The following PUS1 variants were observed in gnomAD, a reference collection of about 807,000 sequenced individuals.
PUS1 encodes the protein pseudouridine synthase 1, also known as pseudouridylate synthase 1 homolog.
In PUS1, 25 loss-of-function variants were observed where a neutral mutation model predicts 38.5. The observed-to-expected ratio is 0.65, with a 90% confidence interval of 0.47 to 0.91. PUS1 has a LOEUF of 0.91. Ranked by LOEUF, PUS1 falls within the 40% of genes least tolerant of loss-of-function variation. The probability of loss-of-function intolerance (pLI) is 0.00; values close to 1 mark genes in which losing one functional copy is unlikely to be tolerated. For synonymous variants in PUS1, 282 were observed against 260.4 expected (o/e 1.08, Z -0.80); for missense variants, 597 against 612.3 (o/e 0.97, Z 0.26).
chr12:131,944,059 TAAAATGG>T lies in PUS1; in HGVS notation c.*474_*480del. On this transcript the variant is annotated 3_prime_UTR_variant, in exon 6 of 6. Transcript: ENST00000376649. ...TACAGGAGTTCCAGACCAGCCTGGG[TAAAATGG>T]TGAAACCGCGTCTCTGCAAAAGATT... 5.0e-6 allele frequency: 1 copy of T among 198,450 alleles called. No homozygotes were observed. Among genetic ancestry groups the T allele is most frequent in the South Asian group, 8.8e-5 (1 of 11,382 alleles). 12.3% of individuals were successfully genotyped at this position (198,450 alleles called of 1,614,324 possible). A position where few individuals can be genotyped will look rare whatever the true frequency, so the allele number is the denominator to read the frequency against.
At chr12:131,934,978 C>T (rs1344045459) in intron 3 of PUS1, 2 of 152,278 alleles carry the variant, frequency 1.3e-5, no homozygotes, top group Admixed American at 1.3e-4. Flanking sequence ...TGGATGCATT[C>T]TGGAGCCGTC....
chr12:131,931,863 A>T (rs1165329113), intron 2 of PUS1: 55 of 501,708 alleles, frequency 1.1e-4, no homozygotes, highest in Middle Eastern at 5.6e-4. Flanking sequence ...TTTTTTTTTT[A>T]AAGTATAGGT....
intron 3 of PUS1, among the ~76,000 whole-genome samples, chr12:131,935,837 G>T (rs573742110): frequency 2.0e-5 from 3 of 152,016 alleles, no homozygotes; most frequent in African/African-American, 7.2e-5. Flanking sequence ...CCGGCCTATT[G>T]TTTATTTTTG....
chr12:131,934,309 G>A (rs1451248957), intron 3 of PUS1, among the ~76,000 whole-genome samples: 2 of 152,164 alleles, frequency 1.3e-5, no homozygotes, highest in African/African-American at 2.4e-5. Context: ...ACTACCCTGG[G>A]GAGAGGGAGA....
At chr12:131,931,285 A>G (rs1225998336) in intron 2 of PUS1, among the ~76,000 whole-genome samples, 1 of 151,824 alleles carries the variant, frequency 6.6e-6, no homozygotes, top group Non-Finnish European at 1.5e-5. Flanking sequence ...CAGCCTCCCG[A>G]GTAGCTGGGA....
intron 2 of PUS1, among the ~76,000 whole-genome samples, chr12:131,931,262 G>T (rs1183934920): frequency 1.3e-5 from 2 of 152,054 alleles, no homozygotes; most frequent in Non-Finnish European, 2.9e-5. Flanking sequence ...GGGTTCCACC[G>T]ATTCTTGTGC....
At chr12:131,939,686 G>A (rs1257092465) in intron 4 of PUS1, among the ~76,000 whole-genome samples, 3 of 152,030 alleles carry the variant, frequency 2.0e-5, no homozygotes, top group Non-Finnish European at 4.4e-5. Flanking sequence ...AGAGAGTCTC[G>A]CTCTGTCACC....
chr12:131,939,035 C>T, intron 3 of PUS1, 138 bp from the exon 4 acceptor site: 1 of 708,652 alleles, frequency 1.4e-6, no homozygotes, highest in Admixed American at 2.0e-5. Context: ...GCCACTATGC[C>T]CGGCCCTCCA....
intron 1 of PUS1, 33 bp from the exon 2 acceptor site, chr12:131,929,874 G>C: frequency 7.2e-7 from 1 of 1,397,516 alleles, no homozygotes; most frequent in Non-Finnish European, 9.4e-7. Context: ...GCGGTGCCGA[G>C]CGGGCCCCCG....
chr12:131,944,345 C>G lies in PUS1; in HGVS notation c.*759C>G, dbSNP rs1296997394. The G allele has an allele frequency of 3.3e-5, 5 of 152,188 alleles. No homozygotes were observed. The highest frequency in any genetic ancestry group is 1.2e-4 in the African/African-American group (5 of 41,512). 9.4% of individuals were successfully genotyped at this position (152,188 alleles called of 1,614,324 possible). A position where few individuals can be genotyped will look rare whatever the true frequency, so the allele number is the denominator to read the frequency against. ...CCTGACCAGCATGGAGAAACCCCGT[C>G]TCTACTAAAAATACAAAAATTAGCT... is the stretch of plus-strand genomic sequence containing the variant. On this transcript the variant is annotated 3_prime_UTR_variant, in exon 6 of 6. Coordinates refer to ENST00000376649, the MANE Select transcript of PUS1 (RefSeq NM_025215.6).
At position 131,944,073 on chromosome 12, in the gene PUS1, C is replaced by CG. The variant is rs1400270046; in HGVS notation, c.*488dup. 5.3e-6 allele frequency: 1 copy of CG among 189,674 alleles called. No individual in the cohort carries two copies. Among genetic ancestry groups the CG allele is most frequent in the African/African-American group, 2.3e-5 (1 of 42,562 alleles). The allele number at this position is 189,674 out of a possible 1,614,324, so 11.7% of individuals were successfully genotyped here. A position where few individuals can be genotyped will look rare whatever the true frequency, so the allele number is the denominator to read the frequency against. ...ACCAGCCTGGGTAAAATGGTGAAAC[C>CG]GCGTCTCTGCAAAAGATTAGCTGGG... is the stretch of plus-strand genomic sequence containing the variant. On this transcript the variant is annotated 3_prime_UTR_variant, in exon 6 of 6. Transcript: ENST00000376649.
At chr12:131,931,969 C>T in intron 2 of PUS1, 1 of 664,184 alleles carries the variant, frequency 1.5e-6, no homozygotes, top group Non-Finnish European at 2.7e-6. Flanking sequence ...TTCCACACTA[C>T]CCACCCCCTA....
chr12:131,940,569 G>C (rs1773058920), intron 4 of PUS1, among the ~76,000 whole-genome samples: 1 of 152,028 alleles, frequency 6.6e-6, no homozygotes. Context: ...CCACTGTTAA[G>C]TTTTTGTTTT....
At chr12:131,939,340 A>C in intron 4 of PUS1, 65 bp downstream of exon 4, 3 of 1,030,388 alleles carry the variant, frequency 2.9e-6, no homozygotes, top group South Asian at 1.4e-5. Flanking sequence ...ACACGAGGCT[A>C]TGCATGCTCC....
intron 3 of PUS1, among the ~76,000 whole-genome samples, chr12:131,936,467 G>A (rs557446671): frequency 6.6e-6 from 1 of 152,028 alleles, no homozygotes; most frequent in East Asian, 1.9e-4. Flanking sequence ...GTAGGCTGAG[G>A]CAGGAGAATC....
chr12:131,932,160 G>C lies in PUS1; in HGVS notation c.304-15G>C. ...TCTGCAAAATATAAAATCTGTTTTT[G>C]TCTCCTTTTTCCAGAGGAATGTCGG... On this transcript the variant is annotated splice_polypyrimidine_tract_variant and intron_variant, in intron 2 of 5. Coordinates refer to ENST00000376649, the MANE Select transcript of PUS1 (RefSeq NM_025215.6). 2 of 1,613,394 alleles carry C rather than the reference G, an allele frequency of 1.2e-6. No homozygotes were observed. Among genetic ancestry groups the C allele is most frequent in the Non-Finnish European group, 1.7e-6 (2 of 1,179,542 alleles).
chr12:131,931,977 C>T, intron 2 of PUS1, 198 bp from the exon 3 acceptor site: 2 of 676,738 alleles, frequency 3.0e-6, no homozygotes, highest in South Asian at 3.2e-5. Context: ...TACCCACCCC[C>T]TAGCATGGAG....
rs1303802812 is a variant in PUS1 at position 131,929,924 on chromosome 12, G to A, written c.92G>A (p.Gly31Glu). 4 of 1,477,660 alleles carry A rather than the reference G, an allele frequency of 2.7e-6. No homozygotes were observed. Among genetic ancestry groups the A allele is most frequent in the Middle Eastern group, 2.2e-4 (1 of 4,566 alleles). The allele number at this position is 1,477,660 out of a possible 1,614,324, so 91.5% of individuals were successfully genotyped here. ...PRPSCSPRMA[G>E]NAEPPPAGAA... ...CTCCGCAGCTCGCCGCGCATGGCCG[G>A]GAACGCGGAGCCGCCGCCCGCCGGA... Residue 31 changes from glycine to glutamate, a missense_variant, in exon 2 of 6, where the codon GGG (glycine) becomes GAG (glutamate). Physicochemically the swap from Gly to Glu is moderately conservative, Grantham distance 98. Transcript: ENST00000376649.
chr12:131,941,405 G>A lies in PUS1; in HGVS notation c.658G>A (p.Glu220Lys). Residue 220 changes from glutamate (E) to lysine (K), a missense_variant, in exon 5 of 6, where the codon GAG becomes AAG. By Grantham distance (56) the Glu-to-Lys change is moderately conservative. Transcript: ENST00000376649. This position sits in a 1 kb window ranked among gnomAD's most constrained non-coding sequence, Gnocchi z 4.4. ...FAHKDRDVQD[E>K]TYRLSAETLQ... is the part of the protein sequence containing the mutation. ...GCACAAGGACCGGGACGTTCAGGAT[G>A]AGACCTACCGCCTGAGCGCCGAGAC... 6.2e-7 allele frequency: 1 copy of A among 1,614,224 alleles called. No homozygotes were observed. The highest frequency in any genetic ancestry group is 1.1e-5 in the South Asian group (1 of 91,088).
Sources: allele counts gnomAD v4.1 joint callset (sites outside exome capture counted in the v4.1 genomes callset), GRCh38; gene constraint gnomAD v4.1.1; non-coding constraint Gnocchi (gnomAD v3.1); transcripts MANE v1.5; gene names NCBI Gene and HGNC (gene_info 2026-07-23, HGNC 2026-07-21).